Variants in CDAN1 observed in about 807,000 individuals in gnomAD.
CDAN1 encodes codanin 1, also known as codanin-1.
Under a neutral mutation model 139.8 loss-of-function variants are expected in CDAN1, and 107 were observed. The observed-to-expected ratio is 0.77, with a 90% confidence interval of 0.65 to 0.90. CDAN1 has a LOEUF of 0.90. CDAN1 is among the 40% of genes least tolerant of loss of function. The pLI, the probability that CDAN1 is intolerant of heterozygous loss-of-function variation, is 0.00. For synonymous variants in CDAN1, 776 were observed against 660.6 expected (o/e 1.17, Z -2.68); for missense variants, 1,667 against 1,575.7 (o/e 1.06, Z -0.98).
rs1417386700 is a variant in CDAN1 at position 42,728,283 on chromosome 15, T to C, written c.2805-16A>G. 5 of 1,613,444 alleles carry C rather than the reference T, an allele frequency of 3.1e-6. No homozygotes were observed. In the African/African-American group the frequency reaches 4.0e-5, roughly 13 times the overall value. On this transcript the variant is annotated splice_polypyrimidine_tract_variant and intron_variant, in intron 20 of 27. Coordinates refer to ENST00000356231, the MANE Select transcript of CDAN1 (RefSeq NM_138477.4). ...TTGACAGAACCTAAAAGGGGACAGA[T>C]GGGGTCAGTGATCTCTGGGTATTTC...
Position 42,735,579 on chromosome 15 carries a change from C to T in CDAN1, c.874G>A (p.Asp292Asn), listed in dbSNP as rs752270075. 1.9e-6 allele frequency: 3 copies of T among 1,614,108 alleles called. No individual in the cohort carries two copies. The African/African-American group carries it at 4.0e-5, about 22-fold the overall frequency. Reference protein sequence around the residue: ...RTGSLTDEPADPARVSSRQRL... With the variant: ...RTGSLTDEPANPARVSSRQRL... ...TGGCGGGAAGACACTCTGGCAGGGT[C>T]TGCAGGTTCATCTGTGAGGCTTCCT... Residue 292 changes from aspartate to asparagine, a missense_variant, in exon 4 of 28, where the codon GAC (aspartate) becomes AAC (asparagine). Transcript: ENST00000356231.
intron 11 of CDAN1, 69 bp downstream of exon 11, chr15:42,731,551 T>C: frequency 3.2e-6 from 5 of 1,545,884 alleles, no homozygotes; most frequent in East Asian, 2.2e-5. Flanking sequence ...GGAGAACTAT[T>C]TACCCTTTTG....
In CDAN1 at chr15:42,730,736, A is replaced by G. The variant is rs1320492646; in HGVS notation, c.2036T>C (p.Leu679Pro). 6.2e-7 allele frequency: 1 copy of G among 1,612,770 alleles called. No individual in the cohort carries two copies. The highest frequency in any genetic ancestry group is 1.7e-5 in the Admixed American group (1 of 59,784). The change falls in exon 14 of 28, where the codon CTG becomes CCG. Residue 679 changes from leucine (L) to proline (P), a missense_variant. Leu to Pro is a moderately conservative substitution (Grantham distance 98). Around this residue, in one of 3 missense-constraint regions of CDAN1, gnomAD observed 936 missense variants for 844.1 expected, o/e 1.11. Transcript: ENST00000356231. The stretch of plus-strand genomic sequence containing the variant: ...GCGGGCCTGCAGCCCTCGCTGCAGC[A>G]GAGTCCGCACATCCAGGACCGGAGG... Reference protein sequence around the residue: ...QVPPVLDVRTLLQRGLQARRA... With the variant: ...QVPPVLDVRTPLQRGLQARRA...
chr15:42,735,262 T>G lies in CDAN1; in HGVS notation c.1056A>C (p.Leu352=). The change falls in exon 5 of 28, where the codon CTA becomes CTC. Residue 352 remains leucine (L), a splice_region_variant and synonymous_variant. Coordinates refer to ENST00000356231, the MANE Select transcript of CDAN1 (RefSeq NM_138477.4). ...TCAAAAGGAGGCTTGCTCACTGACC[T>G]AGGACAGCTGGACTTAGTTCAGGGT... ...DSDPELSPAV[L]DSLESPLFQS... 1 of 1,606,282 alleles carries G rather than the reference T, an allele frequency of 6.2e-7. No homozygotes were observed. Among genetic ancestry groups the G allele is most frequent in the Non-Finnish European group, 8.5e-7 (1 of 1,175,450 alleles).
chr15:42,736,851 C>G (rs1050522565), intron 1 of CDAN1, 71 bp from the exon 2 acceptor site: 100 of 1,454,610 alleles, frequency 6.9e-5, no homozygotes, highest in Admixed American at 1.5e-4. Flanking sequence ...CAGCCGGGGC[C>G]GTAGGGCGCG....
Position 42,734,809 on chromosome 15 carries a change from GGATTTTGTCATGTTGCCC to G in CDAN1, c.1136+273_1136+290del, listed in dbSNP as rs527953774. Among the ~76,000 whole-genome samples the G allele has an allele frequency of 5.8e-3, 849 of 145,452 alleles. 2 individuals carry two copies. Among genetic ancestry groups the G allele is most frequent in the Non-Finnish European group, 8.6e-3 (575 of 67,060 alleles). On this transcript the variant is annotated intron_variant, in intron 6 of 27. Coordinates refer to ENST00000356231, the MANE Select transcript of CDAN1 (RefSeq NM_138477.4). ...TTTTTTTTTTTTTTTGGTGGAGATG[GGATTTTGTCATGTTGCCC>G]AGGCTGGTCTAAAACTCCTGGGCCT...
intron 6 of CDAN1, among the ~76,000 whole-genome samples, chr15:42,734,600 G>A (rs1001376397): frequency 2.6e-5 from 4 of 151,962 alleles, no homozygotes; most frequent in African/African-American, 9.7e-5. Context: ...AGACCACAGG[G>A]GTCCATTTCT....
chr15:42,735,441 G>T lies in CDAN1; in HGVS notation c.944-67C>A. On this transcript the variant is annotated intron_variant, in intron 4 of 27. Transcript: ENST00000356231. ...TTGGAGCCAAGGCTCAGTTCCAAGT[G>T]CCTTACCAATTCTCTTACCCATAAG... is the stretch of plus-strand genomic sequence containing the variant. 5.0e-6 allele frequency: 8 copies of T among 1,600,018 alleles called. No individual in the cohort carries two copies. In the South Asian group the frequency reaches 6.7e-5, roughly 13 times the overall value.
At position 42,731,082 on chromosome 15, in the gene CDAN1, T is replaced by C. The variant is rs1392154638; in HGVS notation, c.1861-11A>G. The C allele has an allele frequency of 1.2e-6, 2 of 1,614,186 alleles. No individual in the cohort carries two copies. Among genetic ancestry groups the C allele is most frequent in the Non-Finnish European group, 1.7e-6 (2 of 1,180,036 alleles). On this transcript the variant is annotated splice_polypyrimidine_tract_variant and intron_variant, in intron 12 of 27. Coordinates refer to ENST00000356231, the MANE Select transcript of CDAN1 (RefSeq NM_138477.4). Reference sequence around the variant, plus strand: ...TTGCTTCCGCTCACCCTGCATGGAATCAAGGGAAGTAAAAGGTCCAAGCAT... The same window carrying C: ...TTGCTTCCGCTCACCCTGCATGGAACCAAGGGAAGTAAAAGGTCCAAGCAT...
In CDAN1 at chr15:42,724,561, A is replaced by G; in HGVS notation, c.3614T>C (p.Leu1205Pro). ...ACAGGCTCTTAGCTGGGGTTCTGGCAGGTGGGGCTCGGCTAGAAACAGATT... is the reference window on the plus strand; with the variant it reads ...ACAGGCTCTTAGCTGGGGTTCTGGCGGGTGGGGCTCGGCTAGAAACAGATT... ...LSNLFLAEPH[L>P]PEPQLRACEL... is the part of the protein sequence containing the mutation. The change falls in exon 28 of 28, where the codon CTG (leucine) becomes CCG (proline). Residue 1205 changes from leucine (L) to proline (P), a missense_variant. Transcript: ENST00000356231. 6.4e-7 allele frequency: 1 copy of G among 1,556,786 alleles called. No individual in the cohort carries two copies.
intron 16 of CDAN1, 74 bp from the exon 17 acceptor site, chr15:42,729,696 C>T (rs1398783627): frequency 2.9e-5 from 47 of 1,598,288 alleles, no homozygotes; most frequent in Non-Finnish European, 3.9e-5. Flanking sequence ...TTGGCAGGGC[C>T]TTTACAAGGG....
Position 42,724,550 on chromosome 15 carries a change from G to T in CDAN1, c.3625C>A (p.Gln1209Lys), listed in dbSNP as rs1595847078. The part of the protein sequence containing the change: ...FLAEPHLPEP[Q>K]LRACELVQPN... ...TGCACCAACTCACAGGCTCTTAGCTGGGGTTCTGGCAGGTGGGGCTCGGCT... is the reference window on the plus strand; with the variant it reads ...TGCACCAACTCACAGGCTCTTAGCTTGGGTTCTGGCAGGTGGGGCTCGGCT... The change falls in exon 28 of 28, where the codon CAG (glutamine) becomes AAG (lysine). Residue 1209 changes from glutamine to lysine, a missense_variant. Physicochemically the swap from Gln to Lys is moderately conservative, Grantham distance 53 (BLOSUM62 1). Around this residue, in one of 3 missense-constraint regions of CDAN1, gnomAD observed 936 missense variants for 844.1 expected, o/e 1.11. Coordinates refer to ENST00000356231, the MANE Select transcript of CDAN1 (RefSeq NM_138477.4). 6.4e-7 allele frequency: 1 copy of T among 1,560,422 alleles called. No homozygotes were observed. The highest frequency in any genetic ancestry group is 2.4e-5 in the East Asian group (1 of 41,842).
Position 42,726,290 on chromosome 15 carries a change from T to G in CDAN1, c.3204+20A>C. 1 of 1,587,558 alleles carries G rather than the reference T, an allele frequency of 6.3e-7. No individual in the cohort carries two copies. Among genetic ancestry groups the G allele is most frequent in the Non-Finnish European group, 8.6e-7 (1 of 1,166,414 alleles). On this transcript the variant is annotated intron_variant, in intron 24 of 27. Transcript: ENST00000356231. ...AAGGACACAGAAAAAAGCCCCCCGG[T>G]GGCAGATGCCACAGCTCACCTGGCG...
intron 25 of CDAN1, 130 bp from the exon 26 acceptor site, chr15:42,725,800 T>C (rs1193333469): frequency 1.1e-5 from 10 of 919,456 alleles, no homozygotes; most frequent in East Asian, 5.3e-5. Flanking sequence ...CTGGCCAACA[T>C]AGTGAAACCC....
Position 42,729,013 on chromosome 15 carries a change from C to T in CDAN1, c.2645+10G>A, listed in dbSNP as rs772428225. The T allele has an allele frequency of 6.2e-7, 1 of 1,612,906 alleles. No individual in the cohort carries two copies. The highest frequency in any genetic ancestry group is 8.5e-7 in the Non-Finnish European group (1 of 1,178,982). On this transcript the variant is annotated intron_variant, in intron 19 of 27. Transcript: ENST00000356231. ...GGGCGATGAGACCAGGATCCTTAAC[C>T]CACTCTTACTTGATATGTTTGACAC...
chr15:42,735,039 A>G, intron 6 of CDAN1, 61 bp downstream of exon 6: 1 of 1,161,406 alleles, frequency 8.6e-7, no homozygotes, highest in East Asian at 2.4e-5. Context: ...TATCCCAAGC[A>G]GCCAGAGAGC....
At chr15:42,728,604 C>T in intron 20 of CDAN1, 48 bp downstream of exon 20, 1 of 1,610,892 alleles carries the variant, frequency 6.2e-7, no homozygotes, top group Middle Eastern at 2.0e-4. Flanking sequence ...AAAGAAAGGA[C>T]AGAGAAAGCC....
Position 42,731,342 on chromosome 15 carries a change from G to A in CDAN1, c.1740-11C>T, listed in dbSNP as rs773034746. The A allele has an allele frequency of 5.0e-6, 8 of 1,613,342 alleles. No homozygotes were observed. The highest frequency in any genetic ancestry group is 6.8e-6 in the Non-Finnish European group (8 of 1,180,032). On this transcript the variant is annotated splice_polypyrimidine_tract_variant and intron_variant, in intron 11 of 27. Coordinates refer to ENST00000356231, the MANE Select transcript of CDAN1 (RefSeq NM_138477.4). ...TGGTTAAACTGGAAGCTGAGAAGAA[G>A]GGGTGGGTGGGGCATAAGCACTGGA...
rs2061658888 is a variant in CDAN1, at chr15:42,734,401, A to G, written c.1137-55T>C. The G allele has an allele frequency of 1.9e-6, 3 of 1,610,188 alleles. No individual in the cohort carries two copies. In the South Asian group the frequency reaches 3.3e-5, roughly 18 times the overall value. ...ACCAGAACACAGACTGCAAGTAGGA[A>G]GCAAGCACCTGCACACCACAGAGGA... is the stretch of plus-strand genomic sequence containing the variant. On this transcript the variant is annotated intron_variant, in intron 6 of 27. Transcript: ENST00000356231.
Sources: allele counts gnomAD v4.1 joint callset (sites outside exome capture counted in the v4.1 genomes callset), GRCh38; gene constraint gnomAD v4.1.1; regional missense constraint gnomAD v4.1.1; transcripts MANE v1.5; gene names NCBI Gene and HGNC (gene_info 2026-07-23, HGNC 2026-07-21).